The following MEGF11 variants were observed in gnomAD, a reference collection of about 807,000 sequenced individuals.
MEGF11 encodes the protein multiple EGF like domains 11.
MEGF11 carries 126 observed loss-of-function variants against 146.6 expected under a neutral mutation model. The ratio of observed to expected loss-of-function variants is 0.86; its 90% CI spans 0.74 to 1.00. The LOEUF (loss-of-function observed/expected upper bound fraction) is 1.00. Among genes scored for constraint, MEGF11 ranks in the 50% least tolerant of loss-of-function variants. The probability of loss-of-function intolerance (pLI) is 0.00; values close to 1 mark genes in which losing one functional copy is unlikely to be tolerated. For missense variants in MEGF11, 1,509 were observed against 1,521.2 expected, an observed-to-expected ratio of 0.99 and a Z score of 0.13; for synonymous variants, 532 against 583.4, an observed-to-expected ratio of 0.91 and a Z score of 1.27.
At position 65,922,179 on chromosome 15, in the gene MEGF11, A is replaced by G. The variant is rs764772449; in HGVS notation, c.1957+159T>C. ...TGTGTTAGGGCCTTTGTCTCATGCC[A>G]TGTGGGGCTCAATTCTCATAAAGGC... On this transcript the variant is annotated intron_variant, in intron 15 of 25. Coordinates refer to ENST00000395614, the MANE Select transcript of MEGF11 (RefSeq NM_001385028.1). The G allele has an allele frequency of 6.4e-6, 5 of 780,812 alleles. No individual in the cohort carries two copies. In the East Asian group the frequency reaches 8.3e-5, roughly 13 times the overall value. 48.4% of individuals were successfully genotyped at this position (780,812 alleles called of 1,614,324 possible). A position where few individuals can be genotyped will look rare whatever the true frequency, so the allele number is the denominator to read the frequency against.
At chr15:66,007,057 C>T (rs79696603) in intron 5 of MEGF11, among the ~76,000 whole-genome samples, 4,710 of 152,324 alleles carry the variant, frequency 0.031, 103 homozygotes, top group Middle Eastern at 0.048. Flanking sequence ...AATTCAGGTT[C>T]GGATTCAGCG....
chr15:66,167,382 C>A (rs1433000284), intron 1 of MEGF11, among the ~76,000 whole-genome samples: 1 of 151,678 alleles, frequency 6.6e-6, no homozygotes, highest in East Asian at 1.9e-4. Context: ...TGGCTCACAC[C>A]TGTAATCCCA....
At chr15:66,046,811 G>C (rs1288599716) in intron 5 of MEGF11, among the ~76,000 whole-genome samples, 2 of 152,116 alleles carry the variant, frequency 1.3e-5, no homozygotes, top group Non-Finnish European at 2.9e-5. Context: ...TGCCTAGGCT[G>C]TCCCTTATCA....
At chr15:66,112,554 G>C (rs1302744873) in intron 4 of MEGF11, among the ~76,000 whole-genome samples, 6 of 152,188 alleles carry the variant, frequency 3.9e-5, no homozygotes, top group Admixed American at 3.9e-4. Context: ...TGGAAGAAAG[G>C]AGATTTTTGA....
chr15:66,038,184 T>C (rs2083799374), intron 5 of MEGF11, among the ~76,000 whole-genome samples: 1 of 152,162 alleles, frequency 6.6e-6, no homozygotes, highest in Non-Finnish European at 1.5e-5. Flanking sequence ...GAATGATAAA[T>C]TGAGGTGCAT....
chr15:66,066,721 A>G (rs1041151542), intron 5 of MEGF11, among the ~76,000 whole-genome samples: 1 of 152,246 alleles, frequency 6.6e-6, no homozygotes, highest in Non-Finnish European at 1.5e-5. Context: ...CAGAGGGCTG[A>G]GCCTGCCTCC....
At chr15:66,229,184 A>T (rs2091913112) in intron 1 of MEGF11, among the ~76,000 whole-genome samples, 1 of 152,162 alleles carries the variant, frequency 6.6e-6, no homozygotes, top group South Asian at 2.1e-4. Flanking sequence ...CAAACCCATC[A>T]TGACCAGAAA....
intron 1 of MEGF11, among the ~76,000 whole-genome samples, chr15:66,202,977 T>C (rs1358729511): frequency 2.0e-5 from 3 of 151,846 alleles, no homozygotes; most frequent in Non-Finnish European, 4.4e-5. Flanking sequence ...CGGGTGCTAT[T>C]CTCCCACCCC....
At chr15:65,912,001 G>A in intron 21 of MEGF11, 81 bp downstream of exon 21, 1 of 724,660 alleles carries the variant, frequency 1.4e-6, no homozygotes, top group Non-Finnish European at 1.9e-6. Flanking sequence ...GTGGCGGGGG[G>A]CGTGCAGTTC....
At position 66,253,592 on chromosome 15, in the gene MEGF11, C is replaced by A. The variant is rs2092407319; in HGVS notation, c.-9+13G>T. 1 of 152,204 alleles carries A rather than the reference C, an allele frequency of 6.6e-6. No homozygotes were observed. Among genetic ancestry groups the A allele is most frequent in the Non-Finnish European group, 1.5e-5 (1 of 68,100 alleles). 9.4% of individuals were successfully genotyped at this position (152,204 alleles called of 1,614,324 possible). On this transcript the variant is annotated intron_variant, in intron 1 of 25. Transcript: ENST00000395614. ...AGACTCCGCGTCCTCGCGGTCCCCA[C>A]TCAGCCACCTACCTGCTCCCGCGGC...
In MEGF11 at chr15:66,065,162, G is replaced by A. The variant is rs200761187; in HGVS notation, c.394+29240C>T. 3.3e-5 allele frequency among the ~76,000 whole-genome samples: 5 copies of A among 152,228 alleles called. No individual in the cohort carries two copies. In the East Asian group the frequency reaches 5.8e-4, roughly 18 times the overall value. On this transcript the variant is annotated intron_variant, in intron 5 of 25. Transcript: ENST00000395614. ...GGATGCACCCATTGTCAGAGCACAC[G>A]TCCCTAACATCCCACCAGAGCACCT... is the stretch of plus-strand genomic sequence containing the variant.
At position 65,939,404 on chromosome 15, in the gene MEGF11, A is replaced by G. The variant is rs182454132; in HGVS notation, c.1288-8461T>C. ...TTCAATCTGTGTTTCTTGAGCATCT[A>G]TGACAAGCAAGGCACTGTGATAGGC... On this transcript the variant is annotated intron_variant, in intron 10 of 25. Transcript: ENST00000395614. 1.2e-4 allele frequency among the ~76,000 whole-genome samples: 18 copies of G among 152,170 alleles called. No homozygotes were observed. The East Asian group carries it at 3.3e-3, about 28-fold the overall frequency.
chr15:65,898,518 GTTT>G, intron 25 of MEGF11: 1 of 985,390 alleles, frequency 1.0e-6, no homozygotes, highest in Non-Finnish European at 1.2e-6. Context: ...TAGTCCTGGT[GTTT>G]TTTAAAGCAG....
intron 2 of MEGF11, among the ~76,000 whole-genome samples, chr15:66,128,029 T>G (rs1567255617): frequency 6.6e-6 from 1 of 152,238 alleles, no homozygotes; most frequent in Non-Finnish European, 1.5e-5. Context: ...CCTCTGTGTC[T>G]CTACTTTCTC....
At chr15:66,185,107 C>T (rs1171590760) in intron 1 of MEGF11, among the ~76,000 whole-genome samples, 3 of 152,120 alleles carry the variant, frequency 2.0e-5, no homozygotes, top group African/African-American at 2.4e-5. Flanking sequence ...CATACATACT[C>T]GTTTCTTGAA....
intron 17 of MEGF11, 152 bp downstream of exon 17, chr15:65,916,676 C>T (rs1156245461): frequency 7.5e-7 from 1 of 1,334,568 alleles, no homozygotes; most frequent in Non-Finnish European, 1.0e-6. Flanking sequence ...CCCTGCAGAG[C>T]TCCTCAGTTC....
At chr15:66,141,193 A>G (rs2089131293) in intron 1 of MEGF11, among the ~76,000 whole-genome samples, 1 of 148,820 alleles carries the variant, frequency 6.7e-6, no homozygotes, top group African/African-American at 2.5e-5. Context: ...GGCTTGTCCA[A>G]TGCCAAGCTT....
intron 1 of MEGF11, among the ~76,000 whole-genome samples, chr15:66,171,863 C>T (rs912993734): frequency 1.3e-5 from 2 of 152,038 alleles, no homozygotes; most frequent in African/African-American, 4.8e-5. Flanking sequence ...TCCAAAATTT[C>T]ATTCCCTCAT....
intron 4 of MEGF11, among the ~76,000 whole-genome samples, chr15:66,112,699 T>A (rs1444822047): frequency 7.2e-6 from 1 of 138,152 alleles, no homozygotes; most frequent in East Asian, 2.2e-4. Context: ...CCCAGACACA[T>A]CCTAGGGAAA....
Sources: allele counts gnomAD v4.1 joint callset (sites outside exome capture counted in the v4.1 genomes callset), GRCh38; gene constraint gnomAD v4.1.1; transcripts MANE v1.5; gene names NCBI Gene and HGNC (gene_info 2026-07-23, HGNC 2026-07-21).